The following CNBD1 variants were observed in gnomAD, a reference collection of about 807,000 sequenced individuals.
CNBD1 encodes the protein cyclic nucleotide-binding domain-containing protein 1.
CNBD1 carries 71 observed loss-of-function variants against 54.4 expected under a neutral mutation model. That is an observed-to-expected ratio of 1.30 (90% CI 1.08 to 1.59). The LOEUF is 1.59. CNBD1 is among the 40% of genes most tolerant of loss of function. The probability of loss-of-function intolerance (pLI) is 0.00; values close to 1 mark genes in which losing one functional copy is unlikely to be tolerated. For synonymous variants in CNBD1, 182 were observed against 170.7 expected, an observed-to-expected ratio of 1.07 and a Z score of -0.51; for missense variants, 659 against 518.0, an observed-to-expected ratio of 1.27 and a Z score of -2.64.
intron 4 of CNBD1, among the ~76,000 whole-genome samples, chr8:86,983,083 C>G (rs1390190154): frequency 6.6e-6 from 1 of 152,042 alleles, no homozygotes; most frequent in Non-Finnish European, 1.5e-5. Context: ...TGGGTGTGTC[C>G]TCACCCAAAT....
intron 1 of CNBD1, among the ~76,000 whole-genome samples, chr8:86,879,733 A>G (rs1808575696): frequency 6.6e-6 from 1 of 151,974 alleles, no homozygotes; most frequent in Non-Finnish European, 1.5e-5. Context: ...TTAGCTGGAC[A>G]TGGTGGCGGG....
intron 2 of CNBD1, among the ~76,000 whole-genome samples, chr8:87,388,209 A>C (rs7821562): frequency 0.4 from 60,443 of 151,580 alleles, 12,319 homozygotes; most frequent in Middle Eastern, 0.46. Context: ...GAAGCAAGAG[A>C]AAACACATTC....
intron 2 of CNBD1, among the ~76,000 whole-genome samples, chr8:87,424,559 G>T (rs1035438516): frequency 1.3e-5 from 2 of 152,170 alleles, no homozygotes; most frequent in African/African-American, 4.8e-5. Context: ...GGAGCAGGTT[G>T]TTCAGTTTCC....
At chr8:87,092,981 C>T (rs1262116956) in intron 4 of CNBD1, among the ~76,000 whole-genome samples, 1 of 152,204 alleles carries the variant, frequency 6.6e-6, no homozygotes, top group Non-Finnish European at 1.5e-5. Context: ...CCTTTCATAT[C>T]TACTCCTTCC....
chr8:87,101,083 A>G (rs958290639), intron 4 of CNBD1, among the ~76,000 whole-genome samples: 2 of 152,254 alleles, frequency 1.3e-5, no homozygotes, highest in Admixed American at 6.5e-5. Flanking sequence ...CACCTTTCAG[A>G]TAAAAGTTAC....
At chr8:87,268,705 A>G (rs1199444903) in intron 6 of CNBD1, among the ~76,000 whole-genome samples, 1 of 152,074 alleles carries the variant, frequency 6.6e-6, no homozygotes, top group East Asian at 1.9e-4. Flanking sequence ...TTTAAAATAT[A>G]TTCACTGGTC....
intron 6 of CNBD1, among the ~76,000 whole-genome samples, chr8:87,270,203 T>A (rs1011349365): frequency 4.0e-5 from 6 of 151,854 alleles, no homozygotes; most frequent in African/African-American, 7.2e-5. Context: ...TTGATAAAAT[T>A]CAACATTTCT....
intron 8 of CNBD1, among the ~76,000 whole-genome samples, chr8:87,290,401 G>T (rs1311746277): frequency 6.6e-6 from 1 of 151,896 alleles, no homozygotes; most frequent in Admixed American, 6.6e-5. Flanking sequence ...GCTTTCTTAT[G>T]CTGCTATTGG....
intron 4 of CNBD1, among the ~76,000 whole-genome samples, chr8:87,139,965 T>C (rs1812339260): frequency 6.6e-6 from 1 of 152,140 alleles, no homozygotes; most frequent in Non-Finnish European, 1.5e-5. Flanking sequence ...AGATCAAAAG[T>C]TACATTTGCA....
chr8:87,389,030 G>A (rs1029462741), intron 2 of CNBD1, among the ~76,000 whole-genome samples: 2 of 152,082 alleles, frequency 1.3e-5, no homozygotes, highest in Admixed American at 6.6e-5. Flanking sequence ...TGCAGAAAAG[G>A]CCTTTGACAG....
intron 4 of CNBD1, among the ~76,000 whole-genome samples, chr8:87,100,673 A>G (rs561698053): frequency 2.6e-5 from 4 of 152,146 alleles, no homozygotes; most frequent in African/African-American, 9.6e-5. Context: ...ATGGGGTTTC[A>G]CCATCTCTTG....
In CNBD1 at chr8:87,258,756, A is replaced by G. The variant is rs1808071484; in HGVS notation, c.771+21644A>G. On this transcript the variant is annotated intron_variant, in intron 6 of 10. Coordinates refer to ENST00000518476, the MANE Select transcript of CNBD1 (RefSeq NM_173538.3). Reference sequence around the variant, plus strand: ...TGACCATAAGGTGAGATTTTTATAAACCTTTTATAACCCTTTACAAATTTT... The same window carrying G: ...TGACCATAAGGTGAGATTTTTATAAGCCTTTTATAACCCTTTACAAATTTT... Among the ~76,000 whole-genome samples the G allele has an allele frequency of 2.0e-5, 3 of 152,272 alleles. No individual in the cohort carries two copies. The South Asian group carries it at 6.2e-4, about 32-fold the overall frequency.
intron 10 of CNBD1, among the ~76,000 whole-genome samples, chr8:87,376,453 A>C (rs905661779): frequency 2.6e-5 from 4 of 151,904 alleles, no homozygotes; most frequent in Non-Finnish European, 5.9e-5. Flanking sequence ...CAACCTATGA[A>C]TTTTTGAGGG....
intron 4 of CNBD1, among the ~76,000 whole-genome samples, chr8:87,071,880 T>C (rs1810765963): frequency 6.6e-6 from 1 of 152,242 alleles, no homozygotes; most frequent in South Asian, 2.1e-4. Flanking sequence ...ATTTTCTGTC[T>C]CAATGATCTG....
chr8:87,306,006 T>A (rs1369174960), intron 8 of CNBD1, among the ~76,000 whole-genome samples: 2 of 152,118 alleles, frequency 1.3e-5, no homozygotes, highest in African/African-American at 4.8e-5. Context: ...AATCTATGCA[T>A]CTGACAAAGG....
rs1190066603 is a variant in CNBD1 at position 87,382,666 on chromosome 8, A to T, written c.*39A>T. The T allele has an allele frequency of 6.9e-7, 1 of 1,444,614 alleles. No homozygotes were observed. The highest frequency in any genetic ancestry group is 1.4e-5 in the African/African-American group (1 of 70,898). 89.5% of individuals were successfully genotyped at this position (1,444,614 alleles called of 1,614,324 possible). A position where few individuals can be genotyped will look rare whatever the true frequency, so the allele number is the denominator to read the frequency against. On this transcript the variant is annotated 3_prime_UTR_variant, in exon 11 of 11. Coordinates refer to ENST00000518476, the MANE Select transcript of CNBD1 (RefSeq NM_173538.3). ...CTCAGTGAACATTAATTAAGAAAGT[A>T]TTGACTAAATAATGGAATAATTGCA...
intron 3 of CNBD1, among the ~76,000 whole-genome samples, chr8:86,937,597 C>T (rs1279947942): frequency 6.6e-6 from 1 of 152,202 alleles, no homozygotes; most frequent in Non-Finnish European, 1.5e-5. Flanking sequence ...GCAGGCTCAA[C>T]ACCATGTGTA....
At chr8:87,183,130 A>T (rs981981691) in intron 4 of CNBD1, among the ~76,000 whole-genome samples, 5 of 152,112 alleles carry the variant, frequency 3.3e-5, no homozygotes, top group Non-Finnish European at 7.4e-5. Flanking sequence ...CTAGACAGTT[A>T]TCCCAGCACC....
intron 6 of CNBD1, 43 bp from the exon 7 acceptor site, chr8:87,284,635 A>G: frequency 1.3e-6 from 2 of 1,534,046 alleles, no homozygotes; most frequent in Non-Finnish European, 1.8e-6. Context: ...TTTCATGTTG[A>G]TGAGTGGTAA....
Sources: gnomAD v4.1 joint callset for allele counts (sites outside exome capture counted in the v4.1 genomes callset) on GRCh38, gnomAD v4.1.1 for gene constraint, MANE v1.5 for transcripts, NCBI Gene and HGNC (gene_info 2026-07-23, HGNC 2026-07-21) for gene names.